RBMS2: variants seen among roughly 807,000 people sequenced by gnomAD.
RBMS2 encodes RNA binding motif single stranded interacting protein 2.
A neutral mutation model predicts 58.4 loss-of-function variants in RBMS2; 38 were observed. The observed-to-expected ratio is 0.65, with a 90% confidence interval of 0.50 to 0.85. The LOEUF (loss-of-function observed/expected upper bound fraction) is 0.85. RBMS2 is among the 40% of genes least tolerant of loss of function. The pLI is 0.00. For missense variants in RBMS2, 367 were observed against 503.7 expected, an observed-to-expected ratio of 0.73 and a Z score of 2.60; for synonymous variants, 151 against 180.7, an observed-to-expected ratio of 0.84 and a Z score of 1.32.
intron 5 of RBMS2, among the ~76,000 whole-genome samples, chr12:56,572,279 ACT>A (rs1882424364): frequency 7.4e-6 from 1 of 134,490 alleles, no homozygotes; most frequent in African/African-American, 2.9e-5. Flanking sequence ...ACAGAGTGAG[ACT>A]CTGTCTCAAA....
At chr12:56,543,482 C>T (rs1469324084) in intron 1 of RBMS2, among the ~76,000 whole-genome samples, 1 of 146,012 alleles carries the variant, frequency 6.8e-6, no homozygotes, top group Non-Finnish European at 1.5e-5. Context: ...AAGACTCTGT[C>T]TCAAAAAAAA....
intron 11 of RBMS2, among the ~76,000 whole-genome samples, chr12:56,588,090 G>A (rs76481194): frequency 0.016 from 2,415 of 152,280 alleles, 71 homozygotes; most frequent in African/African-American, 0.055. Context: ...GAAAGAGGAG[G>A]AAAATAAGTC....
At chr12:56,583,749 A>G (rs1465188519) in intron 9 of RBMS2, among the ~76,000 whole-genome samples, 1 of 151,990 alleles carries the variant, frequency 6.6e-6, no homozygotes, top group Non-Finnish European at 1.5e-5. Context: ...GAATTTAACC[A>G]TTTCATTTGT....
intron 1 of RBMS2, among the ~76,000 whole-genome samples, chr12:56,559,895 CTTTTT>C (rs373481141): frequency 2.4e-5 from 2 of 83,556 alleles, no homozygotes; most frequent in Admixed American, 1.8e-4. Context: ...TCACAATCTT[CTTTTT>C]TTTTTTTTTT....
chr12:56,562,664 G>A, intron 2 of RBMS2, 81 bp downstream of exon 2: 1 of 1,461,666 alleles, frequency 6.8e-7, no homozygotes, highest in South Asian at 1.2e-5. Context: ...TGTTGTCCAG[G>A]CTAGTCTTGA....
At chr12:56,558,026 A>ACCAGCTG (rs1485638828) in intron 1 of RBMS2, among the ~76,000 whole-genome samples, 2 of 108,020 alleles carry the variant, frequency 1.9e-5, no homozygotes, top group African/African-American at 7.2e-5. Context: ...GGCATGAGCC[A>ACCAGCTG]CCTCGCCCGG....
At chr12:56,578,641 G>T (rs1883479595) in intron 5 of RBMS2, among the ~76,000 whole-genome samples, 3 of 152,070 alleles carry the variant, frequency 2.0e-5, no homozygotes, top group African/African-American at 4.8e-5. Context: ...AGATGGGAGT[G>T]GAAAGGATTT....
chr12:56,568,902 A>C, intron 2 of RBMS2, 73 bp from the exon 3 acceptor site: 1 of 1,263,420 alleles, frequency 7.9e-7, no homozygotes. Context: ...GGATTTGTTG[A>C]GATGTCTGAA....
intron 5 of RBMS2, among the ~76,000 whole-genome samples, chr12:56,577,797 C>T (rs1486453421): frequency 2.0e-5 from 3 of 152,120 alleles, no homozygotes; most frequent in Non-Finnish European, 4.4e-5. Context: ...ATTCTCCTGC[C>T]TCAACCTCCC....
In RBMS2 at chr12:56,574,504, A is replaced by G. The variant is rs1882823425; in HGVS notation, c.542+2649A>G. 1.3e-5 allele frequency among the ~76,000 whole-genome samples: 2 copies of G among 152,192 alleles called. 1 individual carries two copies. The highest frequency in any genetic ancestry group is 4.1e-4 in the South Asian group (2 of 4,836). On this transcript the variant is annotated intron_variant, in intron 5 of 13. Coordinates refer to ENST00000262031, the MANE Select transcript of RBMS2 (RefSeq NM_002898.4). ...GGGAACTAATGTTGAAGCAGTGTAC[A>G]ATTTTGAGTTAGTAGTGCACACATT...
intron 9 of RBMS2, among the ~76,000 whole-genome samples, chr12:56,586,160 C>T (rs181196058): frequency 6.6e-6 from 1 of 152,152 alleles, no homozygotes; most frequent in African/African-American, 2.4e-5. Context: ...AACCCTGTCT[C>T]TACTGAAAAT....
At chr12:56,535,756 C>T (rs1246342736) in intron 1 of RBMS2, among the ~76,000 whole-genome samples, 3 of 152,180 alleles carry the variant, frequency 2.0e-5, no homozygotes, top group African/African-American at 7.2e-5. Context: ...ATGGCAACTT[C>T]ATTCTTCCAT....
At chr12:56,585,114 C>G in intron 9 of RBMS2, among the ~76,000 whole-genome samples, 1 of 152,148 alleles carries the variant, frequency 6.6e-6, no homozygotes, top group East Asian at 1.9e-4. Context: ...TGAGCCACTG[C>G]GCCCGGCTAA....
At chr12:56,531,803 C>T (rs984086411) in intron 1 of RBMS2, among the ~76,000 whole-genome samples, 2 of 138,574 alleles carry the variant, frequency 1.4e-5, no homozygotes, top group South Asian at 2.3e-4. Context: ...GGCGACAGTG[C>T]GAGATTCCAT....
intron 1 of RBMS2, among the ~76,000 whole-genome samples, chr12:56,542,114 A>G (rs958856623): frequency 6.6e-6 from 1 of 151,968 alleles, no homozygotes; most frequent in African/African-American, 2.4e-5. Context: ...TAGCATGATC[A>G]CCACTCACTA....
chr12:56,582,157 G>T lies in RBMS2; in HGVS notation c.873+5G>T, dbSNP rs1337277676. 1 of 1,586,934 alleles carries T rather than the reference G, an allele frequency of 6.3e-7. No homozygotes were observed. The highest frequency in any genetic ancestry group is 2.2e-5 in the East Asian group (1 of 44,640). On this transcript the variant is annotated splice_donor_5th_base_variant and intron_variant, in intron 9 of 13. Transcript: ENST00000262031. ...TCTCCTGTGTCTTCGTATCAGGTAT[G>T]TTCATGCCTGAAAAATGGTGTGGTG...
intron 1 of RBMS2, among the ~76,000 whole-genome samples, chr12:56,532,370 C>T (rs889398151): frequency 3.3e-5 from 5 of 151,954 alleles, no homozygotes; most frequent in Admixed American, 2.6e-4. Flanking sequence ...TGGTGAAACT[C>T]CGTCTCTACT....
In RBMS2 at chr12:56,582,006, C is replaced by T. The variant is rs904787306; in HGVS notation, c.780-53C>T. 7 of 1,566,832 alleles carry T rather than the reference C, an allele frequency of 4.5e-6. No homozygotes were observed. The Admixed American group carries it at 1.0e-4, about 23-fold the overall frequency. ...GTTGGCTGTGCCTATCAGTTGGGAC[C>T]CTTCCCTTGTGGTTTCCTGTGACTC... On this transcript the variant is annotated intron_variant, in intron 8 of 13. Transcript: ENST00000262031.
At chr12:56,555,435 G>C (rs569104172) in intron 1 of RBMS2, among the ~76,000 whole-genome samples, 109 of 143,902 alleles carry the variant, frequency 7.6e-4, no homozygotes, top group Non-Finnish European at 1.4e-3. Flanking sequence ...AGCAAAACTT[G>C]GTCTCAAAAA....
Sources: gnomAD v4.1 joint callset for allele counts (sites outside exome capture counted in the v4.1 genomes callset) on GRCh38, gnomAD v4.1.1 for gene constraint, MANE v1.5 for transcripts, NCBI Gene and HGNC (gene_info 2026-07-23, HGNC 2026-07-21) for gene names.